Variants in RIMBP2 observed in about 807,000 individuals in gnomAD.
RIMBP2 encodes the protein RIMS-binding protein 2.
In RIMBP2, 48 loss-of-function variants were observed where a neutral mutation model predicts 118.6. That is an observed-to-expected ratio of 0.40 (90% CI 0.32 to 0.51). The LOEUF (loss-of-function observed/expected upper bound fraction) is 0.51, where lower values mean the gene tolerates loss of function less well. Among genes scored for constraint, RIMBP2 ranks in the 20% least tolerant of loss-of-function variants. The probability of loss-of-function intolerance (pLI) is 0.41; values close to 1 mark genes in which losing one functional copy is unlikely to be tolerated. For synonymous variants in RIMBP2, 762 were observed against 742.9 expected (o/e 1.03, Z -0.42); for missense variants, 1,551 against 1,768.3 (o/e 0.88, Z 2.20).
intron 2 of RIMBP2, among the ~76,000 whole-genome samples, chr12:130,537,238 A>G (rs573824844): frequency 6.6e-6 from 1 of 152,308 alleles, no homozygotes; most frequent in South Asian, 2.1e-4. Flanking sequence ...GTTCCACAGA[A>G]TGCATTTCAA....
intron 10 of RIMBP2, among the ~76,000 whole-genome samples, chr12:130,444,510 CAT>C (rs2078372398): frequency 1.3e-5 from 2 of 152,196 alleles, no homozygotes; most frequent in African/African-American, 2.4e-5. Flanking sequence ...GCAGTTGAAA[CAT>C]GTAGGGAATT....
chr12:130,485,636 A>G (rs1264462655), intron 4 of RIMBP2, among the ~76,000 whole-genome samples: 3 of 152,170 alleles, frequency 2.0e-5, no homozygotes, highest in Admixed American at 1.3e-4. Context: ...AGACTGTATC[A>G]TCTTTATTTA....
Position 130,710,030 on chromosome 12 carries a change from C to T in RIMBP2, c.-352+6192G>A, listed in dbSNP as rs1949790553. ...TGACAAAAAGTACACCACTGGCCCCCTGGTTTCCGGGTATCCCTGGGAGCT... is the reference window on the plus strand; with the variant it reads ...TGACAAAAAGTACACCACTGGCCCCTTGGTTTCCGGGTATCCCTGGGAGCT... On this transcript the variant is annotated intron_variant, in intron 1 of 22. Transcript: ENST00000690449. The surrounding 1 kb of genome is among the most constrained non-coding windows in gnomAD (Gnocchi z 4.3). Among the ~76,000 whole-genome samples, 1 of 152,148 alleles carries T rather than the reference C, an allele frequency of 6.6e-6. No individual in the cohort carries two copies. Among genetic ancestry groups the T allele is most frequent in the African/African-American group, 2.4e-5 (1 of 41,428 alleles).
In RIMBP2 at chr12:130,511,748, G is replaced by C. The variant is rs759055436; in HGVS notation, c.-126-4978C>G. Among the ~76,000 whole-genome samples the C allele has an allele frequency of 6.6e-6, 1 of 152,134 alleles. No individual in the cohort carries two copies. Among genetic ancestry groups the C allele is most frequent in the Non-Finnish European group, 1.5e-5 (1 of 68,036 alleles). The stretch of plus-strand genomic sequence containing the variant: ...GACCTTTCATGAAACAGAGCTTCGT[G>C]AGAAAAGCTTCAGCCCCTCTTCCTC... On this transcript the variant is annotated intron_variant, in intron 3 of 22. Coordinates refer to ENST00000690449, the MANE Select transcript of RIMBP2 (RefSeq NM_001393629.1). This position sits in a 1 kb window ranked among gnomAD's most constrained non-coding sequence, Gnocchi z 4.3.
intron 7 of RIMBP2, 91 bp downstream of exon 7, chr12:130,456,405 A>C: frequency 8.5e-7 from 1 of 1,174,140 alleles, no homozygotes; most frequent in Non-Finnish European, 1.2e-6. Context: ...GCCAGGTGTC[A>C]CCAAACCGAT....
chr12:130,545,838 A>C (rs1264121209), intron 2 of RIMBP2, among the ~76,000 whole-genome samples: 1 of 152,206 alleles, frequency 6.6e-6, no homozygotes, highest in African/African-American at 2.4e-5. Context: ...TTTCATACAA[A>C]TGTTTAAAAT....
chr12:130,572,513 T>A (rs2057755660), intron 2 of RIMBP2, among the ~76,000 whole-genome samples: 1 of 152,070 alleles, frequency 6.6e-6, no homozygotes, highest in Admixed American at 6.5e-5. Context: ...GATTCTTCCA[T>A]CCCTTTCCCC....
chr12:130,434,522 G>A lies in RIMBP2; in HGVS notation c.2253+212C>T, dbSNP rs144925774. Among the ~76,000 whole-genome samples, 1,539 of 152,248 alleles carry A rather than the reference G, an allele frequency of 0.01. 31 individuals carry two copies. The highest frequency in any genetic ancestry group is 0.036 in the African/African-American group (1,489 of 41,542). On this transcript the variant is annotated intron_variant, in intron 14 of 22. Transcript: ENST00000690449. This position sits in a 1 kb window ranked among gnomAD's most constrained non-coding sequence, Gnocchi z 5.7. ...GGGGAGGGTGGAAGCCCTGCACTTC[G>A]ACTTTTTCAATTATCCCCAATGAGG...
At chr12:130,664,439 G>GCACACGCACA (rs2063818554) in intron 1 of RIMBP2, among the ~76,000 whole-genome samples, 1 of 123,418 alleles carries the variant, frequency 8.1e-6, no homozygotes, top group Non-Finnish European at 1.8e-5. Flanking sequence ...ATGCATGCAC[G>GCACACGCACA]CACACACGCA....
At chr12:130,648,926 G>A (rs2063104934) in intron 1 of RIMBP2, among the ~76,000 whole-genome samples, 1 of 145,978 alleles carries the variant, frequency 6.9e-6, no homozygotes, top group Non-Finnish European at 1.6e-5. Flanking sequence ...AAAGTGCTGG[G>A]ATTCCAGGCG....
intron 1 of RIMBP2, among the ~76,000 whole-genome samples, chr12:130,686,472 C>A (rs146042567): frequency 6.6e-6 from 1 of 152,226 alleles, no homozygotes; most frequent in Non-Finnish European, 1.5e-5. Flanking sequence ...CATTCTTACA[C>A]GGGCCAGGCA....
chr12:130,430,624 CA>C (rs1266266173), intron 14 of RIMBP2: 2 of 97,254 alleles, frequency 2.1e-5, no homozygotes, highest in Non-Finnish European at 3.8e-5. Context: ...CTGGGACAGT[CA>C]TTTTTTTTTT....
At chr12:130,438,334 A>ATGCCCCCCCCCCCC in intron 12 of RIMBP2, 31 bp downstream of exon 12, 5 of 1,344,514 alleles carry the variant, frequency 3.7e-6, no homozygotes, top group Non-Finnish European at 4.3e-6. Context: ...GGGCCTAACA[A>ATGCCCCCCCCCCCC]ACCCTCCCCA....
At chr12:130,535,488 TG>T (rs2053911139) in intron 2 of RIMBP2, among the ~76,000 whole-genome samples, 1 of 152,024 alleles carries the variant, frequency 6.6e-6, no homozygotes, top group African/African-American at 2.4e-5. Flanking sequence ...CACTTCAGCC[TG>T]GGCAAGCAAC....
chr12:130,583,028 T>G (rs1221255397), intron 2 of RIMBP2, among the ~76,000 whole-genome samples: 1 of 152,238 alleles, frequency 6.6e-6, no homozygotes, highest in East Asian at 1.9e-4. Context: ...TAGGAGTGAC[T>G]ACTTTTTGTT....
intron 1 of RIMBP2, among the ~76,000 whole-genome samples, chr12:130,681,916 C>T (rs754960880): frequency 3.9e-5 from 6 of 152,138 alleles, no homozygotes; most frequent in African/African-American, 7.2e-5. Context: ...AGACTAGTCT[C>T]GAACTCCTGA....
intron 1 of RIMBP2, among the ~76,000 whole-genome samples, chr12:130,689,965 T>C (rs2065239147): frequency 6.6e-6 from 1 of 152,144 alleles, no homozygotes; most frequent in Admixed American, 6.5e-5. Context: ...GGGGAGAACC[T>C]ACTCTCAGTG....
intron 14 of RIMBP2, among the ~76,000 whole-genome samples, chr12:130,432,985 C>T (rs1053799434): frequency 6.6e-6 from 1 of 152,132 alleles, no homozygotes; most frequent in Non-Finnish European, 1.5e-5. Flanking sequence ...GTACCTGGGG[C>T]CGAGGGGTCA....
intron 2 of RIMBP2, among the ~76,000 whole-genome samples, chr12:130,618,002 G>A (rs12826344): frequency 0.97 from 128,632 of 132,024 alleles, 62,794 homozygotes; most frequent in Middle Eastern, 1. Flanking sequence ...GACCAGCCTG[G>A]GCAACATAGA....
Sources: gnomAD v4.1 joint callset for allele counts (sites outside exome capture counted in the v4.1 genomes callset) on GRCh38, gnomAD v4.1.1 for gene constraint, Gnocchi (gnomAD v3.1) non-coding constraint, MANE v1.5 for transcripts, NCBI Gene and HGNC (gene_info 2026-07-23, HGNC 2026-07-21) for gene names.